The following NBEAL2 variants were observed in gnomAD, a reference collection of about 807,000 sequenced individuals.
NBEAL2 encodes the protein neurobeachin like 2.
NBEAL2 carries 160 observed loss-of-function variants against 299.8 expected under a neutral mutation model. The ratio of observed to expected loss-of-function variants is 0.53; its 90% CI spans 0.47 to 0.61. The LOEUF (loss-of-function observed/expected upper bound fraction) is 0.61, where lower values mean the gene tolerates loss of function less well. Among genes scored for constraint, NBEAL2 ranks in the 20% least tolerant of loss-of-function variants. The pLI is 0.00. For missense variants in NBEAL2, 3,112 were observed against 3,649.0 expected, an observed-to-expected ratio of 0.85 and a Z score of 3.79; for synonymous variants, 1,493 against 1,542.3, an observed-to-expected ratio of 0.97 and a Z score of 0.75.
At position 47,001,025 on chromosome 3, in the gene NBEAL2, A is replaced by C. The variant is rs752018842; in HGVS notation, c.4330A>C (p.Asn1444His). Reference sequence around the variant, plus strand: ...GCAAACCTCTGAGGAAGAGTTGTGCAATCTGCTCACCAACGTGCTGTTCTC... The same window carrying C: ...GCAAACCTCTGAGGAAGAGTTGTGCCATCTGCTCACCAACGTGCTGTTCTC... Reference protein sequence around the residue: ...PQQTSEEELCNLLTNVLFSVT... With the variant: ...PQQTSEEELCHLLTNVLFSVT... The change falls in exon 28 of 54, where the codon AAT becomes CAT. Residue 1444 changes from asparagine (N) to histidine (H), a missense_variant. Asn to His is a moderately conservative substitution (Grantham distance 68). This residue lies in a region of NBEAL2 where 2,243 missense variants were observed against 2,538.1 expected (regional missense o/e 0.88). Transcript: ENST00000450053. This position sits in a 1 kb window ranked among gnomAD's most constrained non-coding sequence, Gnocchi z 6.1. 2 of 1,610,216 alleles carry C rather than the reference A, an allele frequency of 1.2e-6. No individual in the cohort carries two copies. Among genetic ancestry groups the C allele is most frequent in the South Asian group, 1.1e-5 (1 of 90,458 alleles).
intron 10 of NBEAL2, 126 bp downstream of exon 10, chr3:46,992,681 G>T: frequency 1.1e-6 from 1 of 891,580 alleles, no homozygotes; most frequent in South Asian, 1.6e-5. Context: ...ATGGGTGTGG[G>T]TCCTCCATGC....
In NBEAL2 at chr3:47,001,431, G is replaced by A. The variant is rs780904939; in HGVS notation, c.4637G>A (p.Ser1546Asn). 6 of 1,612,324 alleles carry A rather than the reference G, an allele frequency of 3.7e-6. No individual in the cohort carries two copies. The African/African-American group carries it at 5.3e-5, about 14-fold the overall frequency. The change falls in exon 29 of 54, where the codon AGT (serine) becomes AAT (asparagine). Residue 1546 changes from serine (S) to asparagine (N), a missense_variant. By Grantham distance (46) the Ser-to-Asn change is conservative. Around this residue, in one of 3 missense-constraint regions of NBEAL2, gnomAD observed 2,243 missense variants for 2,538.1 expected, o/e 0.88. Transcript: ENST00000450053. The surrounding 1 kb of genome is among the most constrained non-coding windows in gnomAD (Gnocchi z 6.1). ...GGCCATGGTAACCAGGAACTGTGGAGTGAGAAGGTGCGACCCCTCAGAGAG... is the reference window on the plus strand; with the variant it reads ...GGCCATGGTAACCAGGAACTGTGGAATGAGAAGGTGCGACCCCTCAGAGAG... ...AEGHGNQELW[S>N]EKLFEGVCSL...
chr3:46,988,176 T>G lies in NBEAL2; in HGVS notation c.52-493T>G. On this transcript the variant is annotated intron_variant, in intron 1 of 53. Transcript: ENST00000450053. The surrounding 1 kb of genome is among the most constrained non-coding windows in gnomAD (Gnocchi z 4.4). ...CTGCCTGTCTAATGGTACACGTGTG[T>G]CCTGGGATCCACAGTTAAAGAAGGC... 2 of 832,766 alleles carry G rather than the reference T, an allele frequency of 2.4e-6. No individual in the cohort carries two copies. The highest frequency in any genetic ancestry group is 3.2e-6 in the Non-Finnish European group (2 of 629,604). The allele number at this position is 832,766 out of a possible 1,614,324, so 51.6% of individuals were successfully genotyped here. A position where few individuals can be genotyped will look rare whatever the true frequency, so the allele number is the denominator to read the frequency against.
chr3:46,994,609 T>G, intron 12 of NBEAL2, 56 bp downstream of exon 12: 1 of 1,433,812 alleles, frequency 7.0e-7, no homozygotes, highest in Non-Finnish European at 9.6e-7. Flanking sequence ...TGAGTCAGGG[T>G]TACCACAGAT....
intron 32 of NBEAL2, 27 bp from the exon 33 acceptor site, chr3:47,002,618 G>T (rs553724485): frequency 4.4e-6 from 7 of 1,608,124 alleles, no homozygotes; most frequent in Non-Finnish European, 5.9e-6. Flanking sequence ...CAGCAGCCAG[G>T]GGACTGACCT....
rs1387776042 is a variant in NBEAL2, at chr3:47,003,118, A to G, written c.5584+37A>G. 1.9e-6 allele frequency: 3 copies of G among 1,610,604 alleles called. No individual in the cohort carries two copies. The highest frequency in any genetic ancestry group is 1.3e-5 in the African/African-American group (1 of 74,744). On this transcript the variant is annotated intron_variant, in intron 34 of 53. Transcript: ENST00000450053. The surrounding 1 kb of genome is among the most constrained non-coding windows in gnomAD (Gnocchi z 7.0). ...TGCTGAGATGGGTCCACCCAACTCGATTGTCCCGTCTCCTGTCCTGCCTTG... is the reference window on the plus strand; with the variant it reads ...TGCTGAGATGGGTCCACCCAACTCGGTTGTCCCGTCTCCTGTCCTGCCTTG...
chr3:47,001,124 A>G lies in NBEAL2; in HGVS notation c.4429A>G (p.Thr1477Ala), dbSNP rs1447408364. 6.2e-7 allele frequency: 1 copy of G among 1,612,260 alleles called. No individual in the cohort carries two copies. The highest frequency in any genetic ancestry group is 2.2e-5 in the East Asian group (1 of 44,840). Residue 1477 changes from threonine (T) to alanine (A), a missense_variant, in exon 28 of 54, where the codon ACC (threonine) becomes GCC (alanine). Transcript: ENST00000450053. The surrounding 1 kb of genome is among the most constrained non-coding windows in gnomAD (Gnocchi z 6.1). Reference sequence around the variant, plus strand: ...GCGTGGCCAGGTTTTCTCAGTGCTCACCCAGCTGGGGGCCTCAGCCACACT... The same window carrying G: ...GCGTGGCCAGGTTTTCTCAGTGCTCGCCCAGCTGGGGGCCTCAGCCACACT... ...RERGQVFSVL[T>A]QLGASATLVR...
rs1253165354 is a variant in NBEAL2, at chr3:46,991,284, G to A, written c.622G>A (p.Ala208Thr). Residue 208 changes from alanine (A) to threonine (T), a missense_variant, in exon 7 of 54, where the codon GCC becomes ACC. Ala to Thr is a moderately conservative substitution (Grantham distance 58). Coordinates refer to ENST00000450053, the MANE Select transcript of NBEAL2 (RefSeq NM_015175.3). This position sits in a 1 kb window ranked among gnomAD's most constrained non-coding sequence, Gnocchi z 6.2. ...GTTACGTCTCATCCACCTCTTCTGC[G>A]CCGTCCTCGCTGGAGGAAAGGTAGG... ...LLLRLIHLFC[A>T]VLAGGKENGQ... The A allele has an allele frequency of 1.9e-6, 3 of 1,604,492 alleles. No individual in the cohort carries two copies. Among genetic ancestry groups the A allele is most frequent in the East Asian group, 4.5e-5 (2 of 44,460 alleles).
Position 46,988,923 on chromosome 3 carries a change from C to T in NBEAL2, c.222C>T (p.Asp74=). The T allele has an allele frequency of 6.2e-7, 1 of 1,613,094 alleles. No homozygotes were observed. Residue 74 remains aspartate, a synonymous_variant, in exon 3 of 54, where the codon GAC becomes GAT. Coordinates refer to ENST00000450053, the MANE Select transcript of NBEAL2 (RefSeq NM_015175.3). This position sits in a 1 kb window ranked among gnomAD's most constrained non-coding sequence, Gnocchi z 4.4. ...HVLAEQLHQA[D]LEQALLLLKL... ...TGGCCGAACAGCTGCACCAGGCTGA[C>T]CTGGAGCAAGCCCTCCTGCTGCTCA...
intron 46 of NBEAL2, 23 bp from the exon 47 acceptor site, chr3:47,007,218 C>T (rs779510614): frequency 1.1e-5 from 17 of 1,609,704 alleles, no homozygotes; most frequent in Middle Eastern, 1.7e-4. Context: ...CAGAAACCCA[C>T]CTCTGCCCCC....
chr3:46,995,246 C>T lies in NBEAL2; in HGVS notation c.1511C>T (p.Thr504Ile), dbSNP rs1326481287. ...GGCTGCCTGTTGGAGACACTCAGCA[C>T]AGGGCTAGCCCTGGAGGCCCGCTGC... ...LVGCLLETLS[T>I]GLALEARCQE... is the part of the protein sequence containing the mutation. Residue 504 changes from threonine to isoleucine, a missense_variant, in exon 13 of 54, where the codon ACA (threonine) becomes ATA (isoleucine). By Grantham distance (89) the Thr-to-Ile change is moderately conservative. This residue lies in a region of NBEAL2 where 2,243 missense variants were observed against 2,538.1 expected (regional missense o/e 0.88). Transcript: ENST00000450053. 6.4e-7 allele frequency: 1 copy of T among 1,557,300 alleles called. No individual in the cohort carries two copies. Among genetic ancestry groups the T allele is most frequent in the Non-Finnish European group, 8.7e-7 (1 of 1,151,100 alleles).
At position 47,002,771 on chromosome 3, in the gene NBEAL2, C is replaced by T; in HGVS notation, c.5428C>T (p.Leu1810Phe). 1 of 1,565,112 alleles carries T rather than the reference C, an allele frequency of 6.4e-7. No individual in the cohort carries two copies. The highest frequency in any genetic ancestry group is 8.6e-7 in the Non-Finnish European group (1 of 1,160,610). Residue 1810 changes from leucine to phenylalanine, a missense_variant, in exon 33 of 54, where the codon CTC becomes TTC. Leu to Phe is a conservative substitution (Grantham distance 22, BLOSUM62 0). Coordinates refer to ENST00000450053, the MANE Select transcript of NBEAL2 (RefSeq NM_015175.3). ...LLHWGALWRQ[L>F]ASPCGAWALR... The stretch of plus-strand genomic sequence containing the variant: ...GCACTGGGGGGCGCTGTGGCGCCAG[C>T]TCGCCAGCCCATGTGGGGCCTGGGC...
Position 46,999,465 on chromosome 3 carries a change from C to G in NBEAL2, c.3694C>G (p.Leu1232Val), listed in dbSNP as rs1381802224. Residue 1232 changes from leucine to valine, a missense_variant, in exon 25 of 54, where the codon CTG becomes GTG. Leu to Val is a conservative substitution (Grantham distance 32). This residue lies in a region of NBEAL2 where 2,243 missense variants were observed against 2,538.1 expected (regional missense o/e 0.88). Transcript: ENST00000450053. ...CTGCCAGGGCCTCTACAAGCTGTTC[C>G]TGGGGGCAGGTACAACCTGGTTAAG... ...QLCQGLYKLF[L>V]GADCLNLSDL... 6.3e-7 allele frequency: 1 copy of G among 1,580,410 alleles called. No homozygotes were observed. Among genetic ancestry groups the G allele is most frequent in the Non-Finnish European group, 8.6e-7 (1 of 1,163,082 alleles).
Position 47,002,147 on chromosome 3 carries a change from G to A in NBEAL2, c.5010G>A (p.Thr1670=), listed in dbSNP as rs1559611313. The A allele has an allele frequency of 2.6e-6, 4 of 1,543,798 alleles. No homozygotes were observed. Among genetic ancestry groups the A allele is most frequent in the East Asian group, 2.5e-5 (1 of 40,778 alleles). The stretch of plus-strand genomic sequence containing the variant: ...CCTGGCTGGTGCCACTGGTGCGCAC[G>A]CTGCTAGACCGTGCCTATGAGCCGC... The part of the protein sequence containing the change: ...RCSWLVPLVR[T]LLDRAYEPLG... The change falls in exon 31 of 54, where the codon ACG becomes ACA. Residue 1670 remains threonine, a synonymous_variant. Coordinates refer to ENST00000450053, the MANE Select transcript of NBEAL2 (RefSeq NM_015175.3).
intron 19 of NBEAL2, 62 bp downstream of exon 19, chr3:46,997,495 G>A: frequency 6.3e-7 from 1 of 1,590,118 alleles, no homozygotes; most frequent in South Asian, 1.1e-5. Flanking sequence ...GGGGTGGAAT[G>A]CCCAAGGTCT....
At position 47,005,484 on chromosome 3, in the gene NBEAL2, C is replaced by T. The variant is rs1338358943; in HGVS notation, c.6561-5C>T. The T allele has an allele frequency of 6.8e-6, 11 of 1,610,776 alleles. No individual in the cohort carries two copies. The highest frequency in any genetic ancestry group is 9.3e-6 in the Non-Finnish European group (11 of 1,178,744). On this transcript the variant is annotated splice_region_variant and splice_polypyrimidine_tract_variant and intron_variant, in intron 40 of 53. Transcript: ENST00000450053. ...CCTCACCTTGGCCCCGTGCCCCTCC[C>T]CCAGCTTTGACTGCTCCGACCGGCA...
Position 47,002,641 on chromosome 3 carries a change from C to T in NBEAL2, c.5302-4C>T. ...AGGGGACTGACCTATTACCCCCACC[C>T]CAGGAGCTGGTGCTGGAACCTGCGC... On this transcript the variant is annotated splice_polypyrimidine_tract_variant and splice_region_variant and intron_variant, in intron 32 of 53. Transcript: ENST00000450053. The T allele has an allele frequency of 6.2e-7, 1 of 1,609,014 alleles. No individual in the cohort carries two copies.
chr3:47,009,140 G>A lies in NBEAL2; in HGVS notation c.8163+16G>A, dbSNP rs1413877498. On this transcript the variant is annotated intron_variant, in intron 53 of 53. Coordinates refer to ENST00000450053, the MANE Select transcript of NBEAL2 (RefSeq NM_015175.3). The stretch of plus-strand genomic sequence containing the variant: ...GCCCTCTGAGGTGAGGATGGGGCGG[G>A]GGTGGGGAGGCCCCTCGAACGGGGC... The A allele has an allele frequency of 1.3e-6, 2 of 1,555,964 alleles. No individual in the cohort carries two copies. The highest frequency in any genetic ancestry group is 1.7e-6 in the Non-Finnish European group (2 of 1,153,346).
At chr3:46,981,459 TA>T (rs2107240778) in intron 1 of NBEAL2, among the ~76,000 whole-genome samples, 1 of 151,944 alleles carries the variant, frequency 6.6e-6, no homozygotes, top group Non-Finnish European at 1.5e-5. Context: ...AAAATAAAAA[TA>T]AAAAACTGAC....
Sources: allele counts gnomAD v4.1 joint callset (sites outside exome capture counted in the v4.1 genomes callset), GRCh38; gene constraint gnomAD v4.1.1; regional missense constraint gnomAD v4.1.1; non-coding constraint Gnocchi (gnomAD v3.1); transcripts MANE v1.5; gene names NCBI Gene and HGNC (gene_info 2026-07-23, HGNC 2026-07-21).